MGAT4C: variants seen among roughly 807,000 people sequenced by gnomAD.
The protein encoded by MGAT4C is alpha-1,3-mannosyl-glycoprotein 4-beta-N-acetylglucosaminyltransferase C.
MGAT4C carries 19 observed loss-of-function variants against 40.1 expected under a neutral mutation model. The observed-to-expected ratio is 0.47, with a 90% CI of 0.33 to 0.70. The LOEUF is 0.70. MGAT4C is among the 30% of genes least tolerant of loss of function. The probability of loss-of-function intolerance (pLI) is 0.02; values close to 1 mark genes in which losing one functional copy is unlikely to be tolerated. For missense variants in MGAT4C, 491 were observed against 563.2 expected (o/e 0.87, Z 1.30); for synonymous variants, 181 against 187.1 (o/e 0.97, Z 0.27).
In MGAT4C at chr12:85,964,978, A is replaced by G. The variant is rs934161038; in HGVS notation, c.*14311T>C. The stretch of plus-strand genomic sequence containing the variant: ...TGACCTCCCTTGGATTATGATGAAA[A>G]CCGTGGAGTCTTTCTATTCTCTGTC... On this transcript the variant is annotated 3_prime_UTR_variant, in exon 5 of 5. Coordinates refer to ENST00000611864, the MANE Select transcript of MGAT4C (RefSeq NM_001351288.2). 6.6e-6 allele frequency: 1 copy of G among 152,046 alleles called. No individual in the cohort carries two copies. The highest frequency in any genetic ancestry group is 2.4e-5 in the African/African-American group (1 of 41,406). 9.4% of individuals were successfully genotyped at this position (152,046 alleles called of 1,614,324 possible).
intron 2 of MGAT4C, among the ~76,000 whole-genome samples, chr12:86,445,859 A>T (rs2136282690): frequency 6.6e-6 from 1 of 152,288 alleles, no homozygotes; most frequent in South Asian, 2.1e-4. Flanking sequence ...AAAAGTAGTC[A>T]ATCTACTGAT....
intron 1 of MGAT4C, among the ~76,000 whole-genome samples, chr12:86,188,743 T>A (rs968636745): frequency 6.6e-6 from 1 of 151,904 alleles, no homozygotes; most frequent in Non-Finnish European, 1.5e-5. Flanking sequence ...TAACTGCTGA[T>A]AAAGAGCAAG....
chr12:86,557,746 C>T (rs1959681424), intron 2 of MGAT4C, among the ~76,000 whole-genome samples: 1 of 152,026 alleles, frequency 6.6e-6, no homozygotes, highest in Admixed American at 6.6e-5. Flanking sequence ...CTAAGAAGGC[C>T]AATCCATTAA....
intron 2 of MGAT4C, among the ~76,000 whole-genome samples, chr12:86,489,285 T>G (rs946338589): frequency 7.9e-5 from 12 of 152,078 alleles, no homozygotes; most frequent in African/African-American, 2.7e-4. Flanking sequence ...CCAGCTCCCC[T>G]CCCCACTGAG....
At chr12:86,334,742 G>T (rs12302551) in intron 3 of MGAT4C, among the ~76,000 whole-genome samples, 12,216 of 151,964 alleles carry the variant, frequency 0.08, 1,202 homozygotes, top group East Asian at 0.25. Context: ...AAATATGAAA[G>T]AACTTCAGTT....
At chr12:86,122,306 C>T (rs1689361) in intron 1 of MGAT4C, among the ~76,000 whole-genome samples, 87,081 of 151,894 alleles carry the variant, frequency 0.57, 25,254 homozygotes, top group South Asian at 0.71. Context: ...TGCTCTTTTT[C>T]GGTTATTACT....
intron 2 of MGAT4C, among the ~76,000 whole-genome samples, chr12:86,477,850 G>GT (rs1490867476): frequency 2.6e-5 from 4 of 151,980 alleles, no homozygotes; most frequent in Admixed American, 2.0e-4. Flanking sequence ...GCGGTGTTTG[G>GT]TTTTTTGTCC....
chr12:86,798,919 A>C (rs796536922), intron 1 of MGAT4C, among the ~76,000 whole-genome samples: 1 of 151,888 alleles, frequency 6.6e-6, no homozygotes, highest in Non-Finnish European at 1.5e-5. Context: ...CATGTCTTAA[A>C]AAATAAGTTT....
At chr12:86,644,695 A>G (rs1963487210) in intron 2 of MGAT4C, among the ~76,000 whole-genome samples, 1 of 151,776 alleles carries the variant, frequency 6.6e-6, no homozygotes. Context: ...AGATCAACGA[A>G]TAGATTATAT....
chr12:86,114,813 T>C (rs1878101302), intron 1 of MGAT4C, among the ~76,000 whole-genome samples: 2 of 152,122 alleles, frequency 1.3e-5, no homozygotes, highest in African/African-American at 4.8e-5. Flanking sequence ...TCTTTCCTTT[T>C]TTTTATTATG....
At chr12:86,686,594 ATG>A (rs1211967399) in intron 2 of MGAT4C, among the ~76,000 whole-genome samples, 4 of 152,126 alleles carry the variant, frequency 2.6e-5, no homozygotes, top group Admixed American at 2.6e-4. Context: ...TGAGATAATC[ATG>A]TGTTTTTTGT....
Position 86,347,116 on chromosome 12 carries a change from T to C in MGAT4C, c.-119-12989A>G, listed in dbSNP as rs546795415. Among the ~76,000 whole-genome samples, 6 of 152,238 alleles carry C rather than the reference T, an allele frequency of 3.9e-5. No individual in the cohort carries two copies. In the East Asian group the frequency reaches 9.7e-4, roughly 25 times the overall value. On this transcript the variant is annotated intron_variant, in intron 3 of 7. Transcript: ENST00000548651. Reference sequence around the variant, plus strand: ...ACCACTGGCCTCTTTGCTCCTTAAATTGCAGACGGCCTATGGTGGGACTTT... The same window carrying C: ...ACCACTGGCCTCTTTGCTCCTTAAACTGCAGACGGCCTATGGTGGGACTTT...
intron 2 of MGAT4C, among the ~76,000 whole-genome samples, chr12:86,470,900 G>C (rs183555235): frequency 2.6e-5 from 4 of 152,022 alleles, no homozygotes; most frequent in Admixed American, 2.6e-4. Context: ...CTTAGGTGAG[G>C]AACAATGCTT....
intron 4 of MGAT4C, among the ~76,000 whole-genome samples, chr12:86,331,217 A>G (rs538094560): frequency 1.3e-5 from 2 of 152,270 alleles, no homozygotes; most frequent in African/African-American, 4.8e-5. Flanking sequence ...GGCATTTTGT[A>G]CATTGGCATG....
At chr12:86,807,614 G>T (rs1952383707) in intron 1 of MGAT4C, among the ~76,000 whole-genome samples, 1 of 152,144 alleles carries the variant, frequency 6.6e-6, no homozygotes, top group South Asian at 2.1e-4. Flanking sequence ...GTAAAAGAAT[G>T]ATTTATATTC....
intron 1 of MGAT4C, among the ~76,000 whole-genome samples, chr12:86,790,561 C>A (rs1216656108): frequency 1.3e-5 from 2 of 152,120 alleles, no homozygotes; most frequent in African/African-American, 2.4e-5. Context: ...AGCTTCCATT[C>A]ACATATCTGG....
intron 3 of MGAT4C, among the ~76,000 whole-genome samples, chr12:86,433,538 A>T (rs1219458230): frequency 6.6e-6 from 1 of 151,872 alleles, no homozygotes; most frequent in African/African-American, 2.4e-5. Context: ...TTTTTACTAC[A>T]TGGATTCATG....
rs560219712 is a variant in MGAT4C at position 86,182,937 on chromosome 12, A to G, written c.-57+73302T>C. Among the ~76,000 whole-genome samples the G allele has an allele frequency of 2.0e-5, 3 of 152,256 alleles. No homozygotes were observed. The South Asian group carries it at 6.2e-4, about 32-fold the overall frequency. ...CTTCCAGACCCAGCACTATATATCTATACATTAGAATGGAACAGCTTTTCA... is the reference window on the plus strand; with the variant it reads ...CTTCCAGACCCAGCACTATATATCTGTACATTAGAATGGAACAGCTTTTCA... On this transcript the variant is annotated intron_variant, in intron 1 of 4. Transcript: ENST00000611864.
chr12:86,142,164 T>C (rs1882921701), intron 1 of MGAT4C, among the ~76,000 whole-genome samples: 1 of 152,188 alleles, frequency 6.6e-6, no homozygotes, highest in African/African-American at 2.4e-5. Context: ...GAAATTCAGG[T>C]TTAGCTAATT....
Sources: allele counts gnomAD v4.1 joint callset (sites outside exome capture counted in the v4.1 genomes callset), GRCh38; gene constraint gnomAD v4.1.1; transcripts MANE v1.5; gene names NCBI Gene and HGNC (gene_info 2026-07-23, HGNC 2026-07-21).